The following KDM6A variants were observed in gnomAD, a reference collection of about 807,000 sequenced individuals.
The protein encoded by KDM6A is lysine demethylase 6A.
In KDM6A, 11 loss-of-function variants were observed where a neutral mutation model predicts 117.6. That is an observed-to-expected ratio of 0.09 (90% CI 0.06 to 0.15). The LOEUF (loss-of-function observed/expected upper bound fraction) is 0.15. KDM6A is among the 10% of genes least tolerant of loss of function. The pLI, the probability that KDM6A is intolerant of heterozygous loss-of-function variation, is 1.00. For synonymous variants in KDM6A, 384 were observed against 396.1 expected, an observed-to-expected ratio of 0.97 and a Z score of 0.36; for missense variants, 799 against 1,077.3, an observed-to-expected ratio of 0.74 and a Z score of 3.62.
intron 8 of KDM6A, among the ~76,000 whole-genome samples, chrX:45,045,680 C>T (rs981303371): frequency 1.8e-5 from 2 of 110,554 alleles, no homozygotes; most frequent in Non-Finnish European, 3.8e-5. Context: ...TATGGTTTAG[C>T]ATGTGTCAGA....
Position 45,110,116 on chromosome X carries a change from G to A in KDM6A, c.4199G>A (p.Ser1400Asn), listed in dbSNP as rs868036172. ...GATCTGCTTTTTGTCACTAATGAGA[G>A]TAATTCACGAAAGACCTACATAGTA... is the stretch of plus-strand genomic sequence containing the variant. ...VFDLLFVTNESNSRKTYIVHC... is the reference protein window; with the variant it reads ...VFDLLFVTNENNSRKTYIVHC... The change falls in exon 29 of 30, where the codon AGT becomes AAT. Residue 1400 changes from serine to asparagine, a missense_variant. Transcript: ENST00000611820. 8.3e-7 allele frequency: 1 copy of A among 1,210,495 alleles called. No individual in the cohort carries two copies. The highest frequency in any genetic ancestry group is 1.7e-5 in the African/African-American group (1 of 57,776).
intron 2 of KDM6A, among the ~76,000 whole-genome samples, chrX:44,926,172 G>A (rs1383700033): frequency 9.5e-6 from 1 of 105,146 alleles, no homozygotes; most frequent in African/African-American, 3.5e-5. Flanking sequence ...CTGGGTTCAA[G>A]CGATTCTCGT....
At chrX:45,110,511 G>A (rs995703436) in intron 29 of KDM6A, among the ~76,000 whole-genome samples, 5 of 111,084 alleles carry the variant, frequency 4.5e-5, no homozygotes, top group Admixed American at 1.9e-4. Context: ...AAATCTTTGC[G>A]TGCTTTAGAT....
intron 2 of KDM6A, among the ~76,000 whole-genome samples, chrX:44,945,931 G>T (rs1020967824): frequency 8.9e-6 from 1 of 112,053 alleles, no homozygotes; most frequent in East Asian, 2.8e-4. Context: ...ATTTATAGCT[G>T]TGATAGACTG....
intron 8 of KDM6A, among the ~76,000 whole-genome samples, chrX:45,040,428 C>A (rs1374364374): frequency 5.8e-5 from 5 of 86,445 alleles, no homozygotes; most frequent in African/African-American, 2.2e-4. Flanking sequence ...CCAGACGGGG[C>A]GGCTGGCCGG....
At chrX:45,051,470 A>G (rs1298961293) in intron 8 of KDM6A, among the ~76,000 whole-genome samples, 2 of 112,128 alleles carry the variant, frequency 1.8e-5, no homozygotes, top group Non-Finnish European at 3.8e-5. Flanking sequence ...CTTAAAAGTC[A>G]TACTTTAATG....
chrX:45,058,077 C>G (rs2044151621), intron 10 of KDM6A, among the ~76,000 whole-genome samples: 1 of 39,524 alleles, frequency 2.5e-5, no homozygotes, highest in African/African-American at 1.0e-4. Flanking sequence ...TCTTACTCTC[C>G]CCCCCCCCCC....
intron 27 of KDM6A, chrX:45,106,514 G>GT (rs1340929821): frequency 2.9e-6 from 1 of 339,970 alleles, no homozygotes; most frequent in Non-Finnish European, 5.9e-6. Flanking sequence ...ACAACACTCA[G>GT]TTGCTAAACC....
intron 3 of KDM6A, among the ~76,000 whole-genome samples, chrX:44,971,815 C>T (rs1342383368): frequency 3.6e-5 from 4 of 111,328 alleles, no homozygotes; most frequent in Non-Finnish European, 5.7e-5. Flanking sequence ...ATGCTTCCCA[C>T]GACCTCCCCT....
At chrX:45,059,894 TA>T in intron 12 of KDM6A, 127 bp from the exon 13 acceptor site, 1 of 1,031,423 alleles carries the variant, frequency 9.7e-7, no homozygotes, top group Non-Finnish European at 1.3e-6. Context: ...TAGTGTCTTC[TA>T]AAGCCCCAAA....
intron 2 of KDM6A, among the ~76,000 whole-genome samples, chrX:44,936,928 A>G (rs963950634): frequency 2.7e-5 from 3 of 111,313 alleles, no homozygotes; most frequent in South Asian, 3.7e-4. Flanking sequence ...CTGACATACA[A>G]CCTTTATCAG....
At chrX:44,913,267 A>G (rs1359599178) in intron 2 of KDM6A, among the ~76,000 whole-genome samples, 1 of 107,661 alleles carries the variant, frequency 9.3e-6, no homozygotes, top group African/African-American at 3.4e-5. Flanking sequence ...AGAATACAGT[A>G]TATAATACAT....
chrX:45,042,095 A>C (rs1170567054), intron 8 of KDM6A, among the ~76,000 whole-genome samples: 2 of 109,900 alleles, frequency 1.8e-5, no homozygotes, highest in Non-Finnish European at 3.8e-5. Context: ...ACCAAAAAAA[A>C]ACGAAAACCA....
At chrX:45,027,796 CTT>C (rs753896163) in intron 6 of KDM6A, among the ~76,000 whole-genome samples, 4 of 99,624 alleles carry the variant, frequency 4.0e-5, no homozygotes, top group Admixed American at 1.1e-4. Context: ...TTTTTTGGTA[CTT>C]TTTTTTTTTT....
chrX:45,009,874 A>AG (rs2041676746), intron 4 of KDM6A, among the ~76,000 whole-genome samples: 1 of 111,643 alleles, frequency 9.0e-6, no homozygotes, highest in Admixed American at 9.6e-5. Context: ...ACTTCATTAA[A>AG]GGTATTTCCT....
At chrX:45,109,933 A>T (rs2046702602) in intron 28 of KDM6A, 146 bp from the exon 29 acceptor site, 4 of 538,742 alleles carry the variant, frequency 7.4e-6, no homozygotes, top group Middle Eastern at 5.6e-4. Context: ...AAGATTCTCA[A>T]ACACAGCCAT....
intron 4 of KDM6A, among the ~76,000 whole-genome samples, chrX:44,986,453 C>CT (rs1164381959): frequency 9.0e-6 from 1 of 111,281 alleles, no homozygotes; most frequent in African/African-American, 3.3e-5. Flanking sequence ...CTTCTGCTAG[C>CT]TTTTGAATGT....
At chrX:45,061,147 A>G (rs1015332782) in intron 14 of KDM6A, among the ~76,000 whole-genome samples, 177 bp from the exon 15 acceptor site, 1 of 111,480 alleles carries the variant, frequency 9.0e-6, no homozygotes, top group Non-Finnish European at 1.9e-5. Context: ...TTTTAAATGT[A>G]TGATTTCTAA....
chrX:45,040,847 C>T (rs1196684938), intron 8 of KDM6A, among the ~76,000 whole-genome samples: 42 of 77,094 alleles, frequency 5.4e-4, no homozygotes, highest in Admixed American at 1.0e-3. Flanking sequence ...CCCTCCCGGA[C>T]TGGGCGGCTG....
Sources: gnomAD v4.1 joint callset for allele counts (sites outside exome capture counted in the v4.1 genomes callset) on GRCh38, gnomAD v4.1.1 for gene constraint, MANE v1.5 for transcripts, NCBI Gene and HGNC (gene_info 2026-07-23, HGNC 2026-07-21) for gene names.